Variants in DPP10 observed in about 807,000 individuals in gnomAD.
DPP10 encodes inactive dipeptidyl peptidase 10.
DPP10 carries 33 observed loss-of-function variants against 120.9 expected under a neutral mutation model. The ratio of observed to expected loss-of-function variants is 0.27; its 90% CI spans 0.21 to 0.37. The LOEUF (loss-of-function observed/expected upper bound fraction) is 0.37. Ranked by LOEUF, DPP10 falls within the 10% of genes least tolerant of loss-of-function variation. The probability of loss-of-function intolerance (pLI) is 1.00; values close to 1 mark genes in which losing one functional copy is unlikely to be tolerated. For synonymous variants in DPP10, 337 were observed against 326.1 expected (o/e 1.03, Z -0.36); for missense variants, 816 against 942.8 (o/e 0.87, Z 1.76).
intron 3 of DPP10, among the ~76,000 whole-genome samples, chr2:115,418,871 A>T (rs1574784972): frequency 1.3e-5 from 2 of 152,302 alleles, no homozygotes; most frequent in Admixed American, 1.3e-4. Context: ...AAGCAGGCCA[A>T]CAGGTTGGAA....
chr2:115,663,996 A>C (rs969968943), intron 5 of DPP10, among the ~76,000 whole-genome samples: 2 of 149,702 alleles, frequency 1.3e-5, no homozygotes, highest in Non-Finnish European at 3.0e-5. Flanking sequence ...CTCCATCTCA[A>C]TAATAATAAT....
chr2:114,787,269 A>G (rs1364000066), intron 1 of DPP10, among the ~76,000 whole-genome samples: 1 of 152,126 alleles, frequency 6.6e-6, no homozygotes, highest in Non-Finnish European at 1.5e-5. Flanking sequence ...GTGCAAAACC[A>G]TGGGGGCAGG....
At chr2:114,548,273 G>A (rs917637366) in intron 1 of DPP10, among the ~76,000 whole-genome samples, 8 of 152,136 alleles carry the variant, frequency 5.3e-5, no homozygotes, top group African/African-American at 7.2e-5. Context: ...AAAGTTCTGC[G>A]GCATTCCTGA....
chr2:115,212,635 T>C (rs1376880924), intron 1 of DPP10, among the ~76,000 whole-genome samples: 1 of 152,144 alleles, frequency 6.6e-6, no homozygotes, highest in Non-Finnish European at 1.5e-5. Flanking sequence ...AAAAAAAGTA[T>C]TTAACCTACT....
intron 1 of DPP10, among the ~76,000 whole-genome samples, chr2:115,052,951 C>CA (rs70941023): frequency 0.56 from 67,995 of 121,676 alleles, 18,516 homozygotes; most frequent in East Asian, 0.66. Context: ...GACTCCATCT[C>CA]AAAAAAAAAA....
intron 1 of DPP10, among the ~76,000 whole-genome samples, chr2:114,815,325 G>A (rs933017507): frequency 1.3e-5 from 2 of 152,112 alleles, no homozygotes; most frequent in Non-Finnish European, 2.9e-5. Flanking sequence ...AGAATGCCCA[G>A]CATTGAGCCA....
At chr2:115,525,405 A>G (rs989878931) in intron 4 of DPP10, among the ~76,000 whole-genome samples, 1 of 152,094 alleles carries the variant, frequency 6.6e-6, no homozygotes, top group Admixed American at 6.6e-5. Context: ...TTTGTGTTTT[A>G]ATCTGTTTCA....
chr2:114,613,247 A>G (rs558563411), intron 1 of DPP10, among the ~76,000 whole-genome samples: 1 of 152,200 alleles, frequency 6.6e-6, no homozygotes, highest in African/African-American at 2.4e-5. Flanking sequence ...TATTGCAAAC[A>G]GAGAGAAGAT....
intron 1 of DPP10, among the ~76,000 whole-genome samples, chr2:115,140,494 G>C (rs184595855): frequency 6.6e-6 from 1 of 152,198 alleles, no homozygotes; most frequent in Non-Finnish European, 1.5e-5. Context: ...TGAGGCAAGA[G>C]GCCACTGGAC....
At chr2:115,381,270 C>G (rs1310053007) in intron 3 of DPP10, among the ~76,000 whole-genome samples, 1 of 152,130 alleles carries the variant, frequency 6.6e-6, no homozygotes, top group African/African-American at 2.4e-5. Flanking sequence ...TCTTTTTTCT[C>G]TAAGCTTCCC....
At chr2:115,701,950 C>T (rs898277803) in intron 7 of DPP10, among the ~76,000 whole-genome samples, 1 of 151,904 alleles carries the variant, frequency 6.6e-6, no homozygotes, top group African/African-American at 2.4e-5. Flanking sequence ...ATATAGATGC[C>T]TTGATATAAT....
intron 1 of DPP10, among the ~76,000 whole-genome samples, chr2:115,152,555 A>G (rs1428577684): frequency 6.6e-6 from 1 of 152,246 alleles, no homozygotes; most frequent in Non-Finnish European, 1.5e-5. Flanking sequence ...GTTATGTAAC[A>G]GTAAAAAATA....
At chr2:114,804,998 C>A (rs1684597308) in intron 1 of DPP10, among the ~76,000 whole-genome samples, 1 of 152,080 alleles carries the variant, frequency 6.6e-6, no homozygotes, top group South Asian at 2.1e-4. Flanking sequence ...GACCCAGGGG[C>A]AGGTAATTGA....
intron 1 of DPP10, among the ~76,000 whole-genome samples, chr2:115,286,651 T>C (rs2060417147): frequency 6.8e-6 from 1 of 146,680 alleles, no homozygotes; most frequent in Non-Finnish European, 1.5e-5. Context: ...AGGAAGGAGG[T>C]AAGGGTGTGG....
intron 3 of DPP10, among the ~76,000 whole-genome samples, chr2:115,403,820 TA>T (rs1480162911): frequency 2.6e-5 from 4 of 152,184 alleles, no homozygotes; most frequent in African/African-American, 9.7e-5. Context: ...TCTTTGTTGA[TA>T]AGATGATCTT....
intron 1 of DPP10, among the ~76,000 whole-genome samples, chr2:114,832,490 G>A (rs368926626): frequency 1.3e-5 from 2 of 152,238 alleles, no homozygotes; most frequent in Admixed American, 1.3e-4. Context: ...AGCCGAGATC[G>A]CACCACTCCA....
At chr2:114,961,239 A>C (rs907716607) in intron 1 of DPP10, among the ~76,000 whole-genome samples, 1 of 151,790 alleles carries the variant, frequency 6.6e-6, no homozygotes, top group African/African-American at 2.4e-5. Flanking sequence ...TTTTTAGTAG[A>C]GACGAGGTTT....
intron 1 of DPP10, among the ~76,000 whole-genome samples, chr2:115,262,719 C>G (rs2059305425): frequency 6.6e-6 from 1 of 152,124 alleles, no homozygotes; most frequent in African/African-American, 2.4e-5. Flanking sequence ...AGAAATTTCA[C>G]TTTAATAAAA....
intron 3 of DPP10, among the ~76,000 whole-genome samples, chr2:115,350,198 G>A (rs976154001): frequency 2.6e-5 from 4 of 151,978 alleles, no homozygotes; most frequent in Non-Finnish European, 5.9e-5. Context: ...TAGTGACATT[G>A]AAATATGTGC....
Sources: allele counts gnomAD v4.1 joint callset (sites outside exome capture counted in the v4.1 genomes callset), GRCh38; gene constraint gnomAD v4.1.1; transcripts MANE v1.5; gene names NCBI Gene and HGNC (gene_info 2026-07-23, HGNC 2026-07-21).